DMD: variants seen among roughly 807,000 people sequenced by gnomAD.
The protein encoded by DMD is dystrophin.
A neutral mutation model predicts 330.1 loss-of-function variants in DMD; 63 were observed. The ratio of observed to expected loss-of-function variants is 0.19; its 90% CI spans 0.16 to 0.24. The LOEUF is 0.24. Ranked by LOEUF, DMD falls within the 10% of genes least tolerant of loss-of-function variation. The probability of loss-of-function intolerance (pLI) is 1.00; values close to 1 mark genes in which losing one functional copy is unlikely to be tolerated. For missense variants in DMD, 3,344 were observed against 2,684.1 expected (o/e 1.25, Z -5.43); for synonymous variants, 1,223 against 959.8 (o/e 1.27, Z -5.07).
intron 16 of DMD, among the ~76,000 whole-genome samples, chrX:32,554,927 AAGAAAGAAAGAAAG>A (rs1569190789): frequency 1.6e-4 from 5 of 30,495 alleles, no homozygotes; most frequent in Non-Finnish European, 2.7e-4. Flanking sequence ...GAAAGAAAGA[AAGAAAGAAAGAAAG>A]AGAGAGAGAG....
chrX:32,925,624 G>T (rs1389444313), intron 2 of DMD, among the ~76,000 whole-genome samples: 1 of 111,569 alleles, frequency 9.0e-6, no homozygotes, highest in Non-Finnish European at 1.9e-5. Flanking sequence ...TTTAAGAAAG[G>T]CTTTTTAACA....
chrX:31,682,944 A>G (rs1454023455), intron 52 of DMD, among the ~76,000 whole-genome samples: 4 of 112,116 alleles, frequency 3.6e-5, no homozygotes, highest in African/African-American at 1.3e-4. Flanking sequence ...GATAATTTTA[A>G]TCCTGGAAAA....
At chrX:32,480,835 T>C (rs1262770163) in intron 21 of DMD, among the ~76,000 whole-genome samples, 1 of 110,882 alleles carries the variant, frequency 9.0e-6, no homozygotes, top group Non-Finnish European at 1.9e-5. Context: ...ATGGTATTGA[T>C]AAAAATAACA....
chrX:32,065,833 G>A (rs1266871133), intron 44 of DMD, among the ~76,000 whole-genome samples: 1 of 111,659 alleles, frequency 9.0e-6, no homozygotes, highest in African/African-American at 3.2e-5. Flanking sequence ...AGCACAACAC[G>A]TAAGTAATAG....
intron 7 of DMD, among the ~76,000 whole-genome samples, chrX:32,768,234 T>C (rs775465487): frequency 1.8e-5 from 2 of 112,300 alleles, no homozygotes; most frequent in African/African-American, 6.5e-5. Flanking sequence ...ACTTATTTAA[T>C]AACAAGACTG....
rs758106985 is a variant in DMD, at chrX:31,698,395, T to C, written c.7661-18809A>G. ...AAAAAATGTTAGGCATGATCAAGAA[T>C]GAAGCTGAAAACAAGGAAACCACCA... is the stretch of plus-strand genomic sequence containing the variant. On this transcript the variant is annotated intron_variant, in intron 52 of 78. Coordinates refer to ENST00000357033, the MANE Select transcript of DMD (RefSeq NM_004006.3). 2.7e-5 allele frequency among the ~76,000 whole-genome samples: 3 copies of C among 112,159 alleles called. No individual in the cohort carries two copies. In the South Asian group the frequency reaches 1.1e-3, roughly 42 times the overall value.
chrX:32,893,106 G>A (rs1014757490), intron 2 of DMD, among the ~76,000 whole-genome samples: 3 of 112,039 alleles, frequency 2.7e-5, no homozygotes, highest in African/African-American at 6.5e-5. Flanking sequence ...CTACACTATG[G>A]TCTCAATAGT....
At chrX:31,549,608 T>C (rs1053805724) in intron 55 of DMD, among the ~76,000 whole-genome samples, 2 of 112,319 alleles carry the variant, frequency 1.8e-5, no homozygotes, top group African/African-American at 3.2e-5. Context: ...TTATGCTTGA[T>C]ATACTTTATG....
intron 7 of DMD, among the ~76,000 whole-genome samples, chrX:32,716,834 A>G: frequency 8.9e-6 from 1 of 111,823 alleles, no homozygotes; most frequent in South Asian, 3.7e-4. Context: ...TTTAACAAAA[A>G]GAGATTGGCA....
At chrX:33,275,944 C>G (rs2053227962) in intron 1 of DMD, among the ~76,000 whole-genome samples, 1 of 111,744 alleles carries the variant, frequency 8.9e-6, no homozygotes, top group Non-Finnish European at 1.9e-5. Flanking sequence ...ACACTACAAT[C>G]ATATATATGT....
chrX:31,596,247 A>G (rs2077109556), intron 55 of DMD, among the ~76,000 whole-genome samples: 1 of 112,178 alleles, frequency 8.9e-6, no homozygotes, highest in African/African-American at 3.2e-5. Context: ...TTTGCGATGT[A>G]CTTCAGTAAA....
chrX:32,447,193 T>C (rs2098309187), intron 27 of DMD, among the ~76,000 whole-genome samples: 1 of 110,410 alleles, frequency 9.1e-6, no homozygotes, highest in South Asian at 3.7e-4. Context: ...TATTGTAACA[T>C]GTTAGTGAAT....
Position 32,155,908 on chromosome X carries a change from T to C in DMD, c.6438+61008A>G, listed in dbSNP as rs184603078. ...TACACACTGTAATGAAAGTAAAAAATGCAAGGTTTGCTGAACAGCTCCAGA... is the reference window on the plus strand; with the variant it reads ...TACACACTGTAATGAAAGTAAAAAACGCAAGGTTTGCTGAACAGCTCCAGA... On this transcript the variant is annotated intron_variant, in intron 44 of 78. Coordinates refer to ENST00000357033, the MANE Select transcript of DMD (RefSeq NM_004006.3). Among the ~76,000 whole-genome samples the C allele has an allele frequency of 8.4e-4, 92 of 109,560 alleles. 1 individual carries two copies. The Admixed American group carries it at 8.9e-3, about 11-fold the overall frequency.
intron 7 of DMD, among the ~76,000 whole-genome samples, chrX:32,737,738 G>A: frequency 9.0e-6 from 1 of 111,657 alleles, no homozygotes; most frequent in East Asian, 2.8e-4. Context: ...TTTTGGTCAG[G>A]TGCAATTAGG....
intron 2 of DMD, among the ~76,000 whole-genome samples, chrX:32,940,802 G>A (rs1202740899): frequency 9.0e-6 from 1 of 111,528 alleles, no homozygotes; most frequent in East Asian, 2.8e-4. Flanking sequence ...AAATTGACAA[G>A]CGAGACCTAA....
At chrX:33,061,857 T>C (rs1395286149) in intron 1 of DMD, among the ~76,000 whole-genome samples, 1 of 111,830 alleles carries the variant, frequency 8.9e-6, no homozygotes, top group East Asian at 2.8e-4. Flanking sequence ...TTTAGAGCTA[T>C]AGTCTCTTTA....
At chrX:33,211,062 T>A (rs1441944747) in intron 1 of DMD, among the ~76,000 whole-genome samples, 1 of 111,876 alleles carries the variant, frequency 8.9e-6, no homozygotes, top group East Asian at 2.8e-4. Flanking sequence ...TTTAGTTCTA[T>A]CGCAAAGAAA....
At chrX:31,250,682 C>T (rs187019909) in intron 63 of DMD, among the ~76,000 whole-genome samples, 199 of 111,549 alleles carry the variant, frequency 1.8e-3, no homozygotes, top group African/African-American at 4.9e-3. Flanking sequence ...AGGGTACAGA[C>T]GAGGTCAAGT....
chrX:32,935,380 A>T (rs2089942078), intron 2 of DMD, among the ~76,000 whole-genome samples: 1 of 112,391 alleles, frequency 8.9e-6, no homozygotes, highest in African/African-American at 3.2e-5. Context: ...ATAGTTAGGT[A>T]TTTGCAATAT....
Sources: gnomAD v4.1 joint callset for allele counts (sites outside exome capture counted in the v4.1 genomes callset) on GRCh38, gnomAD v4.1.1 for gene constraint, MANE v1.5 for transcripts, NCBI Gene and HGNC (gene_info 2026-07-23, HGNC 2026-07-21) for gene names.